Variants in KCNQ4 observed in about 807,000 individuals in gnomAD.
The protein encoded by KCNQ4 is potassium voltage-gated channel subfamily Q member 4.
Under a neutral mutation model 72.6 loss-of-function variants are expected in KCNQ4, and 31 were observed. That is an observed-to-expected ratio of 0.43 (90% CI 0.32 to 0.58). The LOEUF (loss-of-function observed/expected upper bound fraction) is 0.58. Among genes scored for constraint, KCNQ4 ranks in the 20% least tolerant of loss-of-function variants. The pLI, the probability that KCNQ4 is intolerant of heterozygous loss-of-function variation, is 0.08. For missense variants in KCNQ4, 869 were observed against 962.6 expected (o/e 0.90, Z 1.29); for synonymous variants, 405 against 403.7 (o/e 1.00, Z -0.04).
At chr1:40,789,187 G>A (rs1354474445) in intron 1 of KCNQ4, among the ~76,000 whole-genome samples, 2 of 152,268 alleles carry the variant, frequency 1.3e-5, no homozygotes, top group South Asian at 2.1e-4. Flanking sequence ...CTTCGCTGGC[G>A]TTTGCTCCTC....
At position 40,788,179 on chromosome 1, in the gene KCNQ4, G is replaced by C. The variant is rs1275423550; in HGVS notation, c.314+3772G>C. ...AAATCATCCCAGCAAAGTGTCCTCAGAACCCTCAGGCATCCCCGCTAGGTC... is the reference window on the plus strand; with the variant it reads ...AAATCATCCCAGCAAAGTGTCCTCACAACCCTCAGGCATCCCCGCTAGGTC... On this transcript the variant is annotated intron_variant, in intron 1 of 13. Transcript: ENST00000347132. This position sits in a 1 kb window ranked among gnomAD's most constrained non-coding sequence, Gnocchi z 4.5. Among the ~76,000 whole-genome samples, 1 of 152,076 alleles carries C rather than the reference G, an allele frequency of 6.6e-6. No individual in the cohort carries two copies. Among genetic ancestry groups the C allele is most frequent in the Non-Finnish European group, 1.5e-5 (1 of 68,014 alleles).
intron 1 of KCNQ4, among the ~76,000 whole-genome samples, chr1:40,795,443 G>A (rs186603702): frequency 8.9e-4 from 135 of 152,032 alleles, no homozygotes; most frequent in African/African-American, 3.2e-3. Flanking sequence ...TAAATTTTTT[G>A]TAGAGAGGGG....
In KCNQ4 at chr1:40,790,610, A is replaced by C. The variant is rs981022257; in HGVS notation, c.314+6203A>C. On this transcript the variant is annotated intron_variant, in intron 1 of 13. Coordinates refer to ENST00000347132, the MANE Select transcript of KCNQ4 (RefSeq NM_004700.4). ...GTCTTCTTCATGTCACAGTTGAGCA[A>C]AGTGAGGCTGGGTGAGGGGATGTCA... 2.6e-5 allele frequency among the ~76,000 whole-genome samples: 4 copies of C among 152,200 alleles called. No individual in the cohort carries two copies. In the South Asian group the frequency reaches 8.3e-4, roughly 31 times the overall value.
intron 1 of KCNQ4, among the ~76,000 whole-genome samples, chr1:40,806,858 A>G (rs547943141): frequency 6.6e-6 from 1 of 152,086 alleles, no homozygotes. Context: ...GCGAAAGACA[A>G]TCCGATTGGC....
chr1:40,806,958 G>T lies in KCNQ4; in HGVS notation c.315-10307G>T, dbSNP rs148656811. 9.9e-4 allele frequency among the ~76,000 whole-genome samples: 150 copies of T among 152,276 alleles called. 1 individual carries two copies. The highest frequency in any genetic ancestry group is 1.8e-3 in the Non-Finnish European group (120 of 68,008). On this transcript the variant is annotated intron_variant, in intron 1 of 13. Transcript: ENST00000347132. ...CCAGGAGAGTGCTGTGGAGCCAACC[G>T]CAGGGCTGTCATGTGTCGCTCTGCA...
intron 1 of KCNQ4, among the ~76,000 whole-genome samples, chr1:40,816,843 C>T (rs1170017885): frequency 1.3e-5 from 2 of 152,234 alleles, no homozygotes; most frequent in Non-Finnish European, 2.9e-5. Flanking sequence ...GAAGGTCCCT[C>T]CTTCATCCGC....
In KCNQ4 at chr1:40,811,862, G is replaced by A. The variant is rs965671684; in HGVS notation, c.315-5403G>A. Reference sequence around the variant, plus strand: ...CTGTCTGCTGGGGAGATTAGAGAGGGCCCAGGCCAGCCAGCACCCATGTTT... The same window carrying A: ...CTGTCTGCTGGGGAGATTAGAGAGGACCCAGGCCAGCCAGCACCCATGTTT... On this transcript the variant is annotated intron_variant, in intron 1 of 13. Transcript: ENST00000347132. Among the ~76,000 whole-genome samples the A allele has an allele frequency of 2.6e-5, 4 of 152,202 alleles. No individual in the cohort carries two copies. The East Asian group carries it at 7.7e-4, about 29-fold the overall frequency.
At position 40,784,146 on chromosome 1, in the gene KCNQ4, C is replaced by G. The variant is rs1347676173; in HGVS notation, c.53C>G (p.Ala18Gly). The change falls in exon 1 of 14, where the codon GCC becomes GGC. Residue 18 changes from alanine (A) to glycine (G), a missense_variant. Ala to Gly is a moderately conservative substitution (Grantham distance 60). Coordinates refer to ENST00000347132, the MANE Select transcript of KCNQ4 (RefSeq NM_004700.4). This position sits in a 1 kb window ranked among gnomAD's most constrained non-coding sequence, Gnocchi z 4.1. ...RLGLGPPPGD[A>G]PRAELVALTA... ...GGCCTGGGTCCCCCGCCCGGGGACG[C>G]CCCCCGCGCGGAGCTAGTGGCGCTC... The G allele has an allele frequency of 5.8e-6, 6 of 1,032,082 alleles. No homozygotes were observed. The highest frequency in any genetic ancestry group is 6.3e-5 in the South Asian group (2 of 31,952). 63.9% of individuals were successfully genotyped at this position (1,032,082 alleles called of 1,614,324 possible). A position where few individuals can be genotyped will look rare whatever the true frequency, so the allele number is the denominator to read the frequency against.
intron 12 of KCNQ4, among the ~76,000 whole-genome samples, chr1:40,837,428 C>T (rs1266826723): frequency 2.0e-5 from 3 of 152,220 alleles, no homozygotes; most frequent in African/African-American, 4.8e-5. Flanking sequence ...TTTCACCAGA[C>T]GGTTGTTTTA....
At chr1:40,792,282 G>A (rs879894108) in intron 1 of KCNQ4, among the ~76,000 whole-genome samples, 26 of 152,186 alleles carry the variant, frequency 1.7e-4, no homozygotes, top group Non-Finnish European at 2.6e-4. Flanking sequence ...GCTACTGCCC[G>A]TCTTGGCCCA....
chr1:40,818,501 G>T lies in KCNQ4; in HGVS notation c.533-4G>T, dbSNP rs920388540. ...CTGTGATCTCGCCGCCCCCGCCCCT[G>T]CAGACTTCATCGTGTTCGTGGCCTC... On this transcript the variant is annotated splice_polypyrimidine_tract_variant and splice_region_variant and intron_variant, in intron 3 of 13. Coordinates refer to ENST00000347132, the MANE Select transcript of KCNQ4 (RefSeq NM_004700.4). 6.2e-7 allele frequency: 1 copy of T among 1,600,840 alleles called. No homozygotes were observed. Among genetic ancestry groups the T allele is most frequent in the East Asian group, 2.2e-5 (1 of 44,856 alleles).
At chr1:40,789,963 C>T (rs1384044534) in intron 1 of KCNQ4, among the ~76,000 whole-genome samples, 3 of 152,222 alleles carry the variant, frequency 2.0e-5, no homozygotes, top group Non-Finnish European at 2.9e-5. Context: ...GGGGAAGGTC[C>T]GATCTTCTTG....
At position 40,794,989 on chromosome 1, in the gene KCNQ4, C is replaced by T. The variant is rs915562116; in HGVS notation, c.314+10582C>T. 5.3e-5 allele frequency among the ~76,000 whole-genome samples: 8 copies of T among 151,562 alleles called. No homozygotes were observed. In the South Asian group the frequency reaches 1.7e-3, roughly 32 times the overall value. On this transcript the variant is annotated intron_variant, in intron 1 of 13. Coordinates refer to ENST00000347132, the MANE Select transcript of KCNQ4 (RefSeq NM_004700.4). The surrounding 1 kb of genome is among the most constrained non-coding windows in gnomAD (Gnocchi z 4.2). ...GTTGGGCGGGTGGGGGGGTGGGGGG[C>T]AGATCAGCCAGAATCAAGGGCTCAC...
chr1:40,825,201 G>A (rs112807207), intron 9 of KCNQ4, among the ~76,000 whole-genome samples: 8 of 152,172 alleles, frequency 5.3e-5, no homozygotes, highest in African/African-American at 1.7e-4. Flanking sequence ...CATCACCCCT[G>A]AACCAGCCAA....
Position 40,831,119 on chromosome 1 carries a change from G to A in KCNQ4, c.1328G>A (p.Gly443Asp). 1 of 1,608,438 alleles carries A rather than the reference G, an allele frequency of 6.2e-7. No homozygotes were observed. The change falls in exon 10 of 14, where the codon GGC becomes GAC. Residue 443 changes from glycine (G) to aspartate (D), a missense_variant. Coordinates refer to ENST00000347132, the MANE Select transcript of KCNQ4 (RefSeq NM_004700.4). ...RMGIKDRIRM[G>D]SSQRRTGPSK... ...GGCATCAAAGACCGCATCCGCATGG[G>A]CAGCTCCCAGCGGCGGACGGGTCCT...
intron 12 of KCNQ4, among the ~76,000 whole-genome samples, 187 bp from the exon 13 acceptor site, chr1:40,837,478 G>T (rs1648837803): frequency 6.6e-6 from 1 of 152,218 alleles, no homozygotes; most frequent in Non-Finnish European, 1.5e-5. Context: ...TTGGCCAGTG[G>T]AGAACCACCA....
intron 1 of KCNQ4, among the ~76,000 whole-genome samples, chr1:40,796,706 C>T (rs1647420745): frequency 6.6e-6 from 1 of 152,190 alleles, no homozygotes; most frequent in Non-Finnish European, 1.5e-5. Context: ...CACCTGAGGT[C>T]AGGAGTTCGA....
chr1:40,821,469 G>C lies in KCNQ4; in HGVS notation c.1042-845G>C, dbSNP rs542173079. 8.6e-5 allele frequency among the ~76,000 whole-genome samples: 13 copies of C among 151,026 alleles called. No homozygotes were observed. The South Asian group carries it at 2.7e-3, about 32-fold the overall frequency. ...TGGCCACACTCACAGTCCCTCCCTG[G>C]CTCTTCCTACGTGGAGGGAGAGGGA... On this transcript the variant is annotated intron_variant, in intron 7 of 13. Coordinates refer to ENST00000347132, the MANE Select transcript of KCNQ4 (RefSeq NM_004700.4).
chr1:40,829,668 T>C (rs761748951), intron 9 of KCNQ4, among the ~76,000 whole-genome samples: 1 of 151,832 alleles, frequency 6.6e-6, no homozygotes, highest in Non-Finnish European at 1.5e-5. Flanking sequence ...CCTCTGAGAG[T>C]AGGTGACACG....
Sources: gnomAD v4.1 joint callset for allele counts (sites outside exome capture counted in the v4.1 genomes callset) on GRCh38, gnomAD v4.1.1 for gene constraint, Gnocchi (gnomAD v3.1) non-coding constraint, MANE v1.5 for transcripts, NCBI Gene and HGNC (gene_info 2026-07-23, HGNC 2026-07-21) for gene names.